PHLDB2: variants seen among roughly 807,000 people sequenced by gnomAD.
PHLDB2 encodes the protein pleckstrin homology-like domain family B member 2.
Under a neutral mutation model 123.6 loss-of-function variants are expected in PHLDB2, and 71 were observed. The ratio of observed to expected loss-of-function variants is 0.57; its 90% CI spans 0.47 to 0.70. The LOEUF is 0.70. Among genes scored for constraint, PHLDB2 ranks in the 30% least tolerant of loss-of-function variants. The probability of loss-of-function intolerance (pLI) is 0.00; values close to 1 mark genes in which losing one functional copy is unlikely to be tolerated. For synonymous variants in PHLDB2, 547 were observed against 541.6 expected (o/e 1.01, Z -0.14); for missense variants, 1,446 against 1,519.5 (o/e 0.95, Z 0.80).
chr3:111,966,609 T>G lies in PHLDB2; in HGVS notation c.3078-4T>G. 6.2e-7 allele frequency: 1 copy of G among 1,610,104 alleles called. No individual in the cohort carries two copies. The highest frequency in any genetic ancestry group is 8.5e-7 in the Non-Finnish European group (1 of 1,177,860). Reference sequence around the variant, plus strand: ...TTCTCAAAAGGCTTTGGTGTTTCATTCAGTGCCAGCACTTCAAATATTGCT... The same window carrying G: ...TTCTCAAAAGGCTTTGGTGTTTCATGCAGTGCCAGCACTTCAAATATTGCT... On this transcript the variant is annotated splice_polypyrimidine_tract_variant and splice_region_variant and intron_variant, in intron 13 of 17. Transcript: ENST00000431670.
intron 2 of PHLDB2, among the ~76,000 whole-genome samples, chr3:111,846,771 A>G (rs1457013478): frequency 1.3e-5 from 2 of 152,182 alleles, no homozygotes; most frequent in East Asian, 1.9e-4. Context: ...ATTTTAAGCA[A>G]TTGTCTTACT....
chr3:111,750,931 G>A (rs1281006045), intron 1 of PHLDB2, among the ~76,000 whole-genome samples: 1 of 139,328 alleles, frequency 7.2e-6, no homozygotes, highest in Non-Finnish European at 1.5e-5. Context: ...GGGCGACAGA[G>A]TGTGAAACTC....
At chr3:111,938,189 T>A (rs2069619900) in intron 6 of PHLDB2, among the ~76,000 whole-genome samples, 2 of 152,048 alleles carry the variant, frequency 1.3e-5, no homozygotes, top group Admixed American at 6.6e-5. Flanking sequence ...TTTCAATTTT[T>A]AAAAAAAAGA....
intron 10 of PHLDB2, chr3:111,949,888 C>T: frequency 1.0e-6 from 1 of 985,472 alleles, no homozygotes; most frequent in African/African-American, 1.7e-5. Flanking sequence ...GCAGGAGCAA[C>T]AGGTAATTAG....
At chr3:111,830,953 A>AAGAGAGAGAGAGAG (rs199823136) in intron 1 of PHLDB2, among the ~76,000 whole-genome samples, 9 of 84,696 alleles carry the variant, frequency 1.1e-4, no homozygotes, top group Admixed American at 3.0e-4. Flanking sequence ...GAAAGAAAGA[A>AAGAGAGAGAGAGAG]AGAGAAAGAA....
intron 1 of PHLDB2, among the ~76,000 whole-genome samples, chr3:111,826,122 T>C (rs1195760151): frequency 1.3e-5 from 2 of 151,814 alleles, no homozygotes; most frequent in African/African-American, 4.8e-5. Context: ...GCCAACATGG[T>C]GAAACCCCAT....
chr3:111,934,221 A>G (rs1307357492), intron 6 of PHLDB2, among the ~76,000 whole-genome samples: 1 of 152,168 alleles, frequency 6.6e-6, no homozygotes, highest in Non-Finnish European at 1.5e-5. Context: ...TAAGAGGTCT[A>G]CTAATTCTGT....
At chr3:111,811,016 C>T (rs1453301097) in intron 1 of PHLDB2, among the ~76,000 whole-genome samples, 1 of 152,240 alleles carries the variant, frequency 6.6e-6, no homozygotes, top group Non-Finnish European at 1.5e-5. Flanking sequence ...GCTCCATGAA[C>T]CCCCTCAGGG....
At chr3:111,744,603 C>A (rs1049557290) in intron 1 of PHLDB2, among the ~76,000 whole-genome samples, 2 of 152,158 alleles carry the variant, frequency 1.3e-5, no homozygotes, top group Admixed American at 6.6e-5. Flanking sequence ...ACTGTGCAGC[C>A]ATTTCAAATG....
At chr3:111,919,430 C>T (rs1439630680) in intron 4 of PHLDB2, among the ~76,000 whole-genome samples, 1 of 151,824 alleles carries the variant, frequency 6.6e-6, no homozygotes, top group East Asian at 1.9e-4. Context: ...ACATATTAAG[C>T]CCTCTTTAAT....
intron 1 of PHLDB2, among the ~76,000 whole-genome samples, chr3:111,773,228 G>T (rs532013715): frequency 6.6e-6 from 1 of 152,068 alleles, no homozygotes; most frequent in Admixed American, 6.6e-5. Context: ...AGTTAACAAG[G>T]TTTCCCAGGC....
At chr3:111,915,208 T>C (rs577046219) in intron 3 of PHLDB2, 14 of 152,200 alleles carry the variant, frequency 9.2e-5, no homozygotes, top group Non-Finnish European at 1.8e-4. Flanking sequence ...GAAGGACACA[T>C]TGACTCTTTA....
At position 111,900,772 on chromosome 3, in the gene PHLDB2, C is replaced by G. The variant is rs918993347; in HGVS notation, c.1336-12547C>G. On this transcript the variant is annotated intron_variant, in intron 2 of 17. Coordinates refer to ENST00000431670, the MANE Select transcript of PHLDB2 (RefSeq NM_001134438.2). The stretch of plus-strand genomic sequence containing the variant: ...TGCTCGCTGCAGGGTTTCCACAAAT[C>G]ACTTTGTAAAAAATGTACTATCTGC... 1.6e-4 allele frequency among the ~76,000 whole-genome samples: 24 copies of G among 152,166 alleles called. 2 individuals carry two copies. The highest frequency in any genetic ancestry group is 1.0e-3 in the Admixed American group (16 of 15,270).
chr3:111,917,197 A>T (rs1466472514), intron 3 of PHLDB2: 1 of 152,184 alleles, frequency 6.6e-6, no homozygotes, highest in Non-Finnish European at 1.5e-5. Flanking sequence ...CCTAGATGGC[A>T]TTTATTGCTA....
At chr3:111,806,151 C>T (rs1489211360) in intron 1 of PHLDB2, among the ~76,000 whole-genome samples, 1 of 152,162 alleles carries the variant, frequency 6.6e-6, no homozygotes, top group East Asian at 1.9e-4. Flanking sequence ...AGTCCCAGTA[C>T]CATTTTTAAC....
upstream of PHLDB2, among the ~76,000 whole-genome samples, chr3:111,855,512 C>CTTTA (rs2064449305): frequency 5.4e-3 from 4 of 746 alleles, no homozygotes; most frequent in South Asian, 0.18. Flanking sequence ...CTTTTCTTTC[C>CTTTA]TTTCTTTCTT....
intron 2 of PHLDB2, among the ~76,000 whole-genome samples, chr3:111,848,430 T>C (rs2064106133): frequency 6.6e-6 from 1 of 152,092 alleles, no homozygotes. Context: ...ATAAACCACA[T>C]CAGAGCTTGT....
At chr3:111,779,336 A>G (rs2060326150) in intron 1 of PHLDB2, among the ~76,000 whole-genome samples, 1 of 151,964 alleles carries the variant, frequency 6.6e-6, no homozygotes, top group African/African-American at 2.4e-5. Context: ...GATTTGGGGT[A>G]TGATTGAACC....
chr3:111,825,048 G>T (rs2062589801), intron 1 of PHLDB2, among the ~76,000 whole-genome samples: 1 of 152,054 alleles, frequency 6.6e-6, no homozygotes, highest in Admixed American at 6.6e-5. Context: ...ACTATTTCAT[G>T]GTAAACCCCT....
Sources: gnomAD v4.1 joint callset for allele counts (sites outside exome capture counted in the v4.1 genomes callset) on GRCh38, gnomAD v4.1.1 for gene constraint, MANE v1.5 for transcripts, NCBI Gene and HGNC (gene_info 2026-07-23, HGNC 2026-07-21) for gene names.